MYOF: variants seen among roughly 807,000 people sequenced by gnomAD.
The protein encoded by MYOF is myoferlin.
A neutral mutation model predicts 284.2 loss-of-function variants in MYOF; 244 were observed. The observed-to-expected ratio is 0.86, with a 90% CI of 0.77 to 0.95. The LOEUF is 0.95. Among genes scored for constraint, MYOF ranks in the 40% least tolerant of loss-of-function variants. The pLI is 0.00. For missense variants in MYOF, 2,496 were observed against 2,560.6 expected (o/e 0.97, Z 0.54); for synonymous variants, 904 against 919.7 (o/e 0.98, Z 0.31).
intron 24 of MYOF, among the ~76,000 whole-genome samples, chr10:93,372,475 A>G (rs979718789): frequency 6.6e-6 from 1 of 152,204 alleles, no homozygotes; most frequent in African/African-American, 2.4e-5. Context: ...TCTTCCCTAA[A>G]GTTACGATTG....
rs1207186587 is a variant in MYOF at position 93,402,366 on chromosome 10, A to G, written c.875-19T>C. 6.4e-7 allele frequency: 1 copy of G among 1,573,044 alleles called. No individual in the cohort carries two copies. Among genetic ancestry groups the G allele is most frequent in the Non-Finnish European group, 8.7e-7 (1 of 1,143,426 alleles). On this transcript the variant is annotated intron_variant, in intron 10 of 53. Coordinates refer to ENST00000359263, the MANE Select transcript of MYOF (RefSeq NM_013451.4). ...GCATGGCCTAAAATAGAGAAGGAGTAAAAGGAAATGGACATGCTAAAAAGG... is the reference window on the plus strand; with the variant it reads ...GCATGGCCTAAAATAGAGAAGGAGTGAAAGGAAATGGACATGCTAAAAAGG...
intron 3 of MYOF, among the ~76,000 whole-genome samples, chr10:93,443,472 CTGTGTG>C (rs5787060): frequency 5.1e-4 from 70 of 137,178 alleles, no homozygotes; most frequent in African/African-American, 1.1e-3. Flanking sequence ...CTCTCTCTCT[CTGTGTG>C]TGTGTGTGTG....
At chr10:93,313,805 G>A (rs978643006) in intron 50 of MYOF, among the ~76,000 whole-genome samples, 10 of 152,074 alleles carry the variant, frequency 6.6e-5, no homozygotes, top group Non-Finnish European at 1.3e-4. Flanking sequence ...AGAGGCTGAG[G>A]CACAAGAATC....
intron 17 of MYOF, 68 bp downstream of exon 17, chr10:93,392,849 G>A (rs1846765931): frequency 6.4e-6 from 9 of 1,408,948 alleles, no homozygotes; most frequent in African/African-American, 1.4e-5. Context: ...AAAGACAGTC[G>A]ATACATTCTT....
chr10:93,323,124 C>G lies in MYOF; in HGVS notation c.5410G>C (p.Glu1804Gln). The G allele has an allele frequency of 6.2e-7, 1 of 1,614,176 alleles. No individual in the cohort carries two copies. Among genetic ancestry groups the G allele is most frequent in the Non-Finnish European group, 8.5e-7 (1 of 1,179,978 alleles). The change falls in exon 48 of 54, where the codon GAG (glutamate) becomes CAG (glutamine). Residue 1804 changes from glutamate to glutamine, a missense_variant. Coordinates refer to ENST00000359263, the MANE Select transcript of MYOF (RefSeq NM_013451.4). ...IWNTKDVILD[E>Q]KSITGEEMSD... ...ATTTCCTCTCCTGTGATGCTTTTCT[C>G]GTCCAAGATAACGTCCTTGGTGTTC... is the stretch of plus-strand genomic sequence containing the variant.
intron 1 of MYOF, among the ~76,000 whole-genome samples, chr10:93,462,223 C>T (rs1008547079): frequency 2.0e-5 from 3 of 151,996 alleles, no homozygotes; most frequent in Non-Finnish European, 4.4e-5. Context: ...GTGTGTGCCA[C>T]CACACCCAGC....
Position 93,310,578 on chromosome 10 carries a change from C to A in MYOF, c.5955G>T (p.Lys1985Asn). The change falls in exon 52 of 54, where the codon AAG (lysine) becomes AAT (asparagine). Residue 1985 changes from lysine to asparagine, a missense_variant. Lys to Asn is a moderately conservative substitution (Grantham distance 94, BLOSUM62 0). This residue lies in a region of MYOF where 2,436 missense variants were observed against 2,480.7 expected (regional missense o/e 0.98). Coordinates refer to ENST00000359263, the MANE Select transcript of MYOF (RefSeq NM_013451.4). ...GGTTCATGTTGGGTTCGTCCCGCCC[C>A]TTCCCGGCTGGCCTCTCGTCGGCCT... ...EKEADERPAGKGRDEPNMNPK... is the reference protein window; with the variant it reads ...EKEADERPAGNGRDEPNMNPK... The A allele has an allele frequency of 6.2e-7, 1 of 1,613,830 alleles. No homozygotes were observed.
intron 3 of MYOF, among the ~76,000 whole-genome samples, chr10:93,434,111 T>A (rs149473995): frequency 1.2e-3 from 177 of 152,204 alleles, no homozygotes; most frequent in African/African-American, 4.0e-3. Flanking sequence ...CGATGGACTC[T>A]CATCCCTTCT....
chr10:93,481,997 G>T, intron 1 of MYOF, 110 bp downstream of exon 1: 1 of 1,035,674 alleles, frequency 9.7e-7, no homozygotes, highest in Non-Finnish European at 1.5e-6. Flanking sequence ...AAACGCTGCT[G>T]GAGAGACTTG....
chr10:93,418,569 T>C (rs1329292509), intron 5 of MYOF, among the ~76,000 whole-genome samples: 1 of 152,194 alleles, frequency 6.6e-6, no homozygotes, highest in Non-Finnish European at 1.5e-5. Flanking sequence ...AATCAGGCTG[T>C]GAGCCAGTCT....
At chr10:93,423,602 G>C (rs901514669) in intron 5 of MYOF, among the ~76,000 whole-genome samples, 2 of 149,296 alleles carry the variant, frequency 1.3e-5, no homozygotes, top group Non-Finnish European at 3.0e-5. Context: ...GGGAGGCCAA[G>C]GTGGGTGGAT....
chr10:93,380,726 T>C (rs7917658), intron 20 of MYOF, among the ~76,000 whole-genome samples: 73,315 of 152,016 alleles, frequency 0.48, 19,152 homozygotes, highest in East Asian at 0.86. Flanking sequence ...TTAATCCTCA[T>C]GTCAACTCCA....
chr10:93,338,475 A>G (rs759154003), intron 39 of MYOF: 2 of 456,902 alleles, frequency 4.4e-6, no homozygotes, highest in Admixed American at 2.3e-5. Flanking sequence ...CATCCACTGA[A>G]TGCAATAATA....
chr10:93,419,850 G>T (rs773874100), intron 5 of MYOF, among the ~76,000 whole-genome samples: 2 of 152,152 alleles, frequency 1.3e-5, no homozygotes, highest in Non-Finnish European at 2.9e-5. Context: ...TTAATTTTAA[G>T]GCTGGGCATG....
chr10:93,354,955 A>G (rs1432511176), intron 31 of MYOF, among the ~76,000 whole-genome samples: 1 of 152,252 alleles, frequency 6.6e-6, no homozygotes, highest in African/African-American at 2.4e-5. Context: ...ATTTGCTAAT[A>G]TTATTGTAGA....
At chr10:93,397,811 G>T (rs567296467) in intron 13 of MYOF, among the ~76,000 whole-genome samples, 1 of 151,812 alleles carries the variant, frequency 6.6e-6, no homozygotes, top group African/African-American at 2.4e-5. Context: ...GACCCTGCCC[G>T]CCAGCCTCCC....
intron 1 of MYOF, among the ~76,000 whole-genome samples, chr10:93,467,244 C>G (rs933836602): frequency 6.6e-6 from 1 of 151,536 alleles, no homozygotes; most frequent in African/African-American, 2.4e-5. Context: ...TATACAAGTG[C>G]CATGTTGGTG....
rs573821001 is a variant in MYOF at position 93,384,884 on chromosome 10, T to C, written c.1698+2913A>G. 7.2e-5 allele frequency among the ~76,000 whole-genome samples: 11 copies of C among 152,248 alleles called. No homozygotes were observed. The South Asian group carries it at 2.3e-3, about 32-fold the overall frequency. ...CACACAAGGCATGGGACATTAAAGG[T>C]CAGTGACAAGATCAGGTACCAATGA... On this transcript the variant is annotated intron_variant, in intron 19 of 53. Transcript: ENST00000359263.
intron 2 of MYOF, among the ~76,000 whole-genome samples, chr10:93,453,081 T>C (rs1326057670): frequency 6.6e-6 from 1 of 152,140 alleles, no homozygotes; most frequent in African/African-American, 2.4e-5. Flanking sequence ...CAGAACTTCT[T>C]AAAAAATTAT....
Sources: allele counts gnomAD v4.1 joint callset (sites outside exome capture counted in the v4.1 genomes callset), GRCh38; gene constraint gnomAD v4.1.1; regional missense constraint gnomAD v4.1.1; transcripts MANE v1.5; gene names NCBI Gene and HGNC (gene_info 2026-07-23, HGNC 2026-07-21).